The following IMMP2L variants were observed in gnomAD, a reference collection of about 807,000 sequenced individuals.
The protein encoded by IMMP2L is inner mitochondrial membrane peptidase subunit 2.
IMMP2L carries 18 observed loss-of-function variants against 19.3 expected under a neutral mutation model. The observed-to-expected ratio is 0.93, with a 90% confidence interval of 0.64 to 1.38. The LOEUF is 1.38. Ranked by LOEUF, IMMP2L falls within the 40% of genes most tolerant of loss-of-function variation. The pLI is 0.00. For synonymous variants in IMMP2L, 76 were observed against 73.0 expected, an observed-to-expected ratio of 1.04 and a Z score of -0.21; for missense variants, 233 against 218.2, an observed-to-expected ratio of 1.07 and a Z score of -0.43.
intron 3 of IMMP2L, among the ~76,000 whole-genome samples, chr7:111,119,666 T>C (rs1055793367): frequency 1.3e-5 from 2 of 152,212 alleles, no homozygotes; most frequent in Admixed American, 1.3e-4. Flanking sequence ...AAGTAACATG[T>C]AAAAGGATGC....
At chr7:111,067,803 C>T (rs147595031) in intron 3 of IMMP2L, among the ~76,000 whole-genome samples, 70 of 152,254 alleles carry the variant, frequency 4.6e-4, no homozygotes, top group Middle Eastern at 3.4e-3. Flanking sequence ...ATGCTCTTTC[C>T]ATTACCTTAG....
At chr7:110,886,245 TTGTC>T (rs1404959914) in intron 5 of IMMP2L, among the ~76,000 whole-genome samples, 1 of 152,002 alleles carries the variant, frequency 6.6e-6, no homozygotes, top group African/African-American at 2.4e-5. Flanking sequence ...CTTGTACACA[TTGTC>T]TGCTAAACAT....
intron 3 of IMMP2L, among the ~76,000 whole-genome samples, chr7:111,144,232 CTACAATACTTCTG>C (rs1368143946): frequency 6.6e-6 from 1 of 152,084 alleles, no homozygotes; most frequent in Non-Finnish European, 1.5e-5. Flanking sequence ...GTTCCTCTTC[CTACAATACTTCTG>C]TAAATACACA....
At chr7:111,176,585 T>C (rs1412123205) in intron 3 of IMMP2L, among the ~76,000 whole-genome samples, 1 of 151,816 alleles carries the variant, frequency 6.6e-6, no homozygotes, top group Non-Finnish European at 1.5e-5. Flanking sequence ...AATGAACTCA[T>C]GGAGATAGAG....
rs1826093969 is a variant in IMMP2L, at chr7:111,019,832, G to A, written c.240-56267C>T. On this transcript the variant is annotated intron_variant, in intron 3 of 5. Transcript: ENST00000405709. ...ATTCTTGGAAGTAAGGGCATAAATT[G>A]AAAGGCAACTCAATGACCCTCCTTC... Among the ~76,000 whole-genome samples, 4 of 152,120 alleles carry A rather than the reference G, an allele frequency of 2.6e-5. No homozygotes were observed. In the South Asian group the frequency reaches 8.3e-4, roughly 32 times the overall value.
At chr7:111,477,914 CTT>C (rs1841853799) in intron 3 of IMMP2L, among the ~76,000 whole-genome samples, 1 of 151,906 alleles carries the variant, frequency 6.6e-6, no homozygotes, top group Non-Finnish European at 1.5e-5. Context: ...AAAAAATAGA[CTT>C]TTATCTTCTT....
intron 5 of IMMP2L, among the ~76,000 whole-genome samples, chr7:110,821,046 T>C (rs1802981694): frequency 6.6e-6 from 1 of 151,960 alleles, no homozygotes; most frequent in Non-Finnish European, 1.5e-5. Flanking sequence ...CACTGACCTG[T>C]ATGCTTTATA....
intron 3 of IMMP2L, among the ~76,000 whole-genome samples, chr7:110,981,604 A>C (rs1378685692): frequency 1.3e-5 from 2 of 151,950 alleles, no homozygotes; most frequent in Non-Finnish European, 2.9e-5. Context: ...GTAGTGTTTG[A>C]GAGTTGAAGT....
rs35930780 is a variant in IMMP2L, at chr7:111,489,036, C to CTTTT, written c.136-1699_136-1696dup. Among the ~76,000 whole-genome samples, 77 of 87,186 alleles carry CTTTT rather than the reference C, an allele frequency of 8.8e-4. 1 individual carries two copies. The highest frequency in any genetic ancestry group is 1.8e-3 in the African/African-American group (35 of 19,296). 57.2% of individuals were successfully genotyped at this position (87,186 alleles called of 152,430 possible). On this transcript the variant is annotated intron_variant, in intron 2 of 5. Coordinates refer to ENST00000405709, the MANE Select transcript of IMMP2L (RefSeq NM_032549.4). The stretch of plus-strand genomic sequence containing the variant: ...ATTGTCTATTCATGTCCTCAATCCA[C>CTTTT]TTTTTTTTTTTTTTTTTTTTTTTTT...
At chr7:110,844,263 A>C (rs1805413227) in intron 5 of IMMP2L, among the ~76,000 whole-genome samples, 1 of 152,192 alleles carries the variant, frequency 6.6e-6, no homozygotes, top group Non-Finnish European at 1.5e-5. Context: ...ACAAATTATT[A>C]AATAAATATG....
chr7:111,544,649 A>G (rs932743828), intron 1 of IMMP2L, among the ~76,000 whole-genome samples: 3 of 152,146 alleles, frequency 2.0e-5, no homozygotes, highest in Non-Finnish European at 4.4e-5. Context: ...ATTGACTGGG[A>G]AAAATCGAAA....
chr7:111,523,884 C>T (rs1405297905), intron 1 of IMMP2L, among the ~76,000 whole-genome samples: 2 of 152,074 alleles, frequency 1.3e-5, no homozygotes, highest in Non-Finnish European at 2.9e-5. Flanking sequence ...TCATACCCAG[C>T]TTTAATGTGA....
chr7:110,831,370 T>C, intron 5 of IMMP2L, among the ~76,000 whole-genome samples: 1 of 152,158 alleles, frequency 6.6e-6, no homozygotes, highest in Non-Finnish European at 1.5e-5. Flanking sequence ...TAATTTAAGG[T>C]CAGAATTATT....
At chr7:111,343,659 T>C (rs1827251281) in intron 3 of IMMP2L, among the ~76,000 whole-genome samples, 1 of 152,074 alleles carries the variant, frequency 6.6e-6, no homozygotes, top group Admixed American at 6.6e-5. Flanking sequence ...ATCTTTTTAA[T>C]ACATGAGTGA....
chr7:111,540,728 T>C (rs1247654218), intron 1 of IMMP2L, among the ~76,000 whole-genome samples: 1 of 152,182 alleles, frequency 6.6e-6, no homozygotes, highest in African/African-American at 2.4e-5. Flanking sequence ...CTAAAATTCT[T>C]AGAATTTTGC....
rs1181303414 is a variant in IMMP2L at position 111,098,829 on chromosome 7, G to A, written c.240-135264C>T. Among the ~76,000 whole-genome samples the A allele has an allele frequency of 2.0e-5, 3 of 151,740 alleles. No individual in the cohort carries two copies. The Admixed American group carries it at 2.0e-4, about 10-fold the overall frequency. On this transcript the variant is annotated intron_variant, in intron 3 of 5. Coordinates refer to ENST00000405709, the MANE Select transcript of IMMP2L (RefSeq NM_032549.4). Reference sequence around the variant, plus strand: ...CTCGAAAGAACAAGCCTTTGTGCATGAGGCAACACTGCCTCCCGTTGGTAC... The same window carrying A: ...CTCGAAAGAACAAGCCTTTGTGCATAAGGCAACACTGCCTCCCGTTGGTAC...
chr7:110,733,235 A>G (rs539976979), intron 5 of IMMP2L, among the ~76,000 whole-genome samples: 2 of 152,182 alleles, frequency 1.3e-5, no homozygotes, highest in African/African-American at 4.8e-5. Flanking sequence ...GTCTCCTTCT[A>G]TCTTAACTTT....
intron 3 of IMMP2L, among the ~76,000 whole-genome samples, chr7:111,437,543 G>A (rs957320717): frequency 4.6e-5 from 7 of 151,748 alleles, no homozygotes; most frequent in Non-Finnish European, 8.8e-5. Context: ...GCAACAAAAC[G>A]CAAAAACGAT....
At chr7:110,955,644 C>T (rs1029880567) in intron 4 of IMMP2L, among the ~76,000 whole-genome samples, 4 of 151,930 alleles carry the variant, frequency 2.6e-5, no homozygotes, top group African/African-American at 9.7e-5. Context: ...AACTCAGAAA[C>T]AGTGTACAAA....
Sources: allele counts gnomAD v4.1 joint callset (sites outside exome capture counted in the v4.1 genomes callset), GRCh38; gene constraint gnomAD v4.1.1; transcripts MANE v1.5; gene names NCBI Gene and HGNC (gene_info 2026-07-23, HGNC 2026-07-21).